Variants in GNG12 observed in about 807,000 individuals in gnomAD.
The protein encoded by GNG12 is G protein subunit gamma 12, also known as guanine nucleotide-binding protein G(I)/G(S)/G(O) subunit gamma-12.
For missense variants in GNG12, 69 were observed against 83.8 expected (o/e 0.82, Z 0.69); for synonymous variants, 28 against 29.7 (o/e 0.94, Z 0.19).
intron 2 of GNG12, among the ~76,000 whole-genome samples, chr1:67,738,789 G>A (rs1169815005): frequency 6.6e-6 from 1 of 152,178 alleles, no homozygotes; most frequent in African/African-American, 2.4e-5. Flanking sequence ...GGGGGCATGA[G>A]GATTGCTTGA....
At chr1:67,790,702 C>A (rs1265232922) in intron 1 of GNG12, among the ~76,000 whole-genome samples, 1 of 151,826 alleles carries the variant, frequency 6.6e-6, no homozygotes, top group Non-Finnish European at 1.5e-5. Flanking sequence ...CTCTGCCTCC[C>A]GGGTTCAAGC....
chr1:67,821,223 T>C (rs772593715), intron 1 of GNG12, among the ~76,000 whole-genome samples: 7 of 152,172 alleles, frequency 4.6e-5, no homozygotes, highest in Non-Finnish European at 7.4e-5. Flanking sequence ...GCAATTAAGG[T>C]TACTGACCTT....
At chr1:67,798,567 G>A (rs775566503) in intron 1 of GNG12, among the ~76,000 whole-genome samples, 39 of 152,102 alleles carry the variant, frequency 2.6e-4, no homozygotes, top group African/African-American at 8.9e-4. Context: ...CCGAGACAGC[G>A]AGACAAACCC....
chr1:67,782,995 G>C (rs1018210608), intron 1 of GNG12, among the ~76,000 whole-genome samples: 1 of 152,128 alleles, frequency 6.6e-6, no homozygotes, highest in Non-Finnish European at 1.5e-5. Flanking sequence ...CTAATGAGAT[G>C]CAAGTCCTTG....
Position 67,770,325 on chromosome 1 carries a change from G to C in GNG12, c.-27+7133C>G, listed in dbSNP as rs1189074784. Among the ~76,000 whole-genome samples the C allele has an allele frequency of 4.6e-5, 7 of 152,278 alleles. No homozygotes were observed. The East Asian group carries it at 1.4e-3, about 29-fold the overall frequency. On this transcript the variant is annotated intron_variant, in intron 2 of 3. Coordinates refer to ENST00000370982, the MANE Select transcript of GNG12 (RefSeq NM_018841.6). The stretch of plus-strand genomic sequence containing the variant: ...CCTTTCTTCTCCAGCCCAGAGAAAA[G>C]GGTTTCAAAAGCTGTATGTGGTGAG...
intron 2 of GNG12, among the ~76,000 whole-genome samples, chr1:67,761,383 A>G (rs557294179): frequency 1.4e-4 from 21 of 152,324 alleles, no homozygotes; most frequent in African/African-American, 5.1e-4. Context: ...GAGGCTTCCA[A>G]CCTCACTCAG....
intron 1 of GNG12, among the ~76,000 whole-genome samples, chr1:67,807,820 A>C (rs1646901877): frequency 6.6e-6 from 1 of 152,160 alleles, no homozygotes; most frequent in Non-Finnish European, 1.5e-5. Flanking sequence ...TCAATAATTA[A>C]TAACTGTTCA....
chr1:67,802,783 G>A (rs1646874093), intron 1 of GNG12, among the ~76,000 whole-genome samples: 1 of 152,032 alleles, frequency 6.6e-6, no homozygotes. Context: ...CTTTACTCCT[G>A]CCCACCACTC....
intron 1 of GNG12, among the ~76,000 whole-genome samples, chr1:67,795,450 T>A (rs149864584): frequency 8.4e-4 from 128 of 152,322 alleles, no homozygotes; most frequent in Middle Eastern, 6.8e-3. Flanking sequence ...TTGAGTACAC[T>A]CTGTGGCACT....
intron 2 of GNG12, among the ~76,000 whole-genome samples, chr1:67,763,097 G>GAGAGAGAGAGAGAGAGAC (rs1165551192): frequency 1.3e-5 from 2 of 148,166 alleles, no homozygotes; most frequent in East Asian, 3.9e-4. Flanking sequence ...CCAGGAGAGA[G>GAGAGAGAGAGAGAGAGAC]AGAGAGAGAG....
At chr1:67,816,718 C>G (rs116614656) in intron 1 of GNG12, among the ~76,000 whole-genome samples, 1,592 of 152,286 alleles carry the variant, frequency 0.01, 26 homozygotes, top group African/African-American at 0.037. Context: ...CAGCCGTCCT[C>G]CCAGGACAGG....
At chr1:67,740,254 T>G (rs1312308284) in intron 2 of GNG12, among the ~76,000 whole-genome samples, 1 of 152,254 alleles carries the variant, frequency 6.6e-6, no homozygotes, top group African/African-American at 2.4e-5. Context: ...CTATGAATAC[T>G]CTTACCACTG....
At chr1:67,779,060 T>A (rs1008464192) in intron 1 of GNG12, among the ~76,000 whole-genome samples, 4 of 152,164 alleles carry the variant, frequency 2.6e-5, no homozygotes, top group Non-Finnish European at 4.4e-5. Flanking sequence ...ATGGAAAATC[T>A]TCTTTTGGTG....
chr1:67,741,507 A>C (rs1193134648), intron 2 of GNG12, among the ~76,000 whole-genome samples: 1 of 152,222 alleles, frequency 6.6e-6, no homozygotes, highest in Non-Finnish European at 1.5e-5. Flanking sequence ...CAAGAGGGGA[A>C]GGACTGATGG....
chr1:67,767,664 T>C (rs1348755620), intron 2 of GNG12, among the ~76,000 whole-genome samples: 1 of 152,264 alleles, frequency 6.6e-6, no homozygotes, highest in African/African-American at 2.4e-5. Context: ...TTTGTTTGCA[T>C]ATTTTCAGTC....
At chr1:67,789,247 A>G (rs1332722432) in intron 1 of GNG12, among the ~76,000 whole-genome samples, 2 of 152,202 alleles carry the variant, frequency 1.3e-5, no homozygotes, top group Admixed American at 6.5e-5. Flanking sequence ...ATCCAGGCTA[A>G]TGCTCTTTGG....
intron 1 of GNG12, among the ~76,000 whole-genome samples, chr1:67,807,856 G>T (rs544663000): frequency 6.6e-6 from 1 of 152,184 alleles, no homozygotes; most frequent in Non-Finnish European, 1.5e-5. Flanking sequence ...AGTTCAGATG[G>T]ATTCACTTGT....
At chr1:67,707,950 A>T (rs900608613) in intron 2 of GNG12, among the ~76,000 whole-genome samples, 2 of 152,238 alleles carry the variant, frequency 1.3e-5, no homozygotes, top group Non-Finnish European at 1.5e-5. Flanking sequence ...CTAGCAGTTT[A>T]ATCGATGCAC....
intron 2 of GNG12, among the ~76,000 whole-genome samples, chr1:67,738,107 T>C (rs1378025167): frequency 1.3e-5 from 2 of 152,194 alleles, no homozygotes; most frequent in East Asian, 3.9e-4. Context: ...CTATTTTTTG[T>C]TTGTTTTTTG....
Sources: allele counts gnomAD v4.1 joint callset (sites outside exome capture counted in the v4.1 genomes callset), GRCh38; gene constraint gnomAD v4.1.1; transcripts MANE v1.5; gene names NCBI Gene and HGNC (gene_info 2026-07-23, HGNC 2026-07-21).